ZBTB20: variants seen among roughly 807,000 people sequenced by gnomAD.
ZBTB20 encodes the protein zinc finger and BTB domain containing 20.
A neutral mutation model predicts 56.9 loss-of-function variants in ZBTB20; 9 were observed. The ratio of observed to expected loss-of-function variants is 0.16; its 90% CI spans 0.10 to 0.28. ZBTB20 has a LOEUF of 0.28. ZBTB20 is among the 10% of genes least tolerant of loss of function. ZBTB20 has a pLI of 1.00. For synonymous variants in ZBTB20, 417 were observed against 420.7 expected, an observed-to-expected ratio of 0.99 and a Z score of 0.11; for missense variants, 655 against 1,003.0, an observed-to-expected ratio of 0.65 and a Z score of 4.69.
chr3:114,903,350 A>G (rs1332757522), intron 3 of ZBTB20, among the ~76,000 whole-genome samples: 1 of 152,146 alleles, frequency 6.6e-6, no homozygotes, highest in Admixed American at 6.6e-5. Context: ...AGCATTTGAT[A>G]AAAGGGAACT....
chr3:114,341,337 A>C (rs956149411), intron 11 of ZBTB20, among the ~76,000 whole-genome samples: 1 of 152,044 alleles, frequency 6.6e-6, no homozygotes, highest in Admixed American at 6.6e-5. Flanking sequence ...CATTTCTGTC[A>C]GCTGTAAACA....
At chr3:115,079,790 C>CTTTA (rs1430019715) in intron 1 of ZBTB20, among the ~76,000 whole-genome samples, 1 of 152,144 alleles carries the variant, frequency 6.6e-6, no homozygotes, top group Non-Finnish European at 1.5e-5. Context: ...ATATGCTAAA[C>CTTTA]CTTCAATAAT....
chr3:114,709,396 A>T (rs1168861106), intron 5 of ZBTB20, among the ~76,000 whole-genome samples: 1 of 152,200 alleles, frequency 6.6e-6, no homozygotes, highest in East Asian at 1.9e-4. Context: ...AGGCCAAGGT[A>T]GTTCCAAGTT....
intron 1 of ZBTB20, among the ~76,000 whole-genome samples, chr3:115,130,254 G>A (rs1337974511): frequency 1.3e-5 from 2 of 151,648 alleles, no homozygotes; most frequent in Admixed American, 6.6e-5. Flanking sequence ...CTGTTACTTT[G>A]TTGAAATCAT....
At chr3:114,439,607 A>G (rs1335270858) in intron 7 of ZBTB20, among the ~76,000 whole-genome samples, 1 of 152,180 alleles carries the variant, frequency 6.6e-6, no homozygotes, top group Non-Finnish European at 1.5e-5. Context: ...CATCAAAAGA[A>G]TAACAGCAGT....
chr3:114,586,580 T>C (rs1462817645), intron 6 of ZBTB20, among the ~76,000 whole-genome samples: 3 of 152,324 alleles, frequency 2.0e-5, no homozygotes, highest in South Asian at 4.1e-4. Context: ...TGTGGGTAAC[T>C]ATAGGGTCAA....
rs182306157 is a variant in ZBTB20 at position 114,321,918 on chromosome 3, T to A, written c.*17087A>T. On this transcript the variant is annotated 3_prime_UTR_variant, in exon 12 of 12. Coordinates refer to ENST00000675478, the MANE Select transcript of ZBTB20 (RefSeq NM_001348800.3). ...GTACAGAAAAGCGTAACTGAATAAA[T>A]TATTAATCTAGTACTCACTACGACA... 2.0e-5 allele frequency: 3 copies of A among 152,338 alleles called. No individual in the cohort carries two copies. Among genetic ancestry groups the A allele is most frequent in the Admixed American group, 2.0e-4 (3 of 15,306 alleles). 9.4% of individuals were successfully genotyped at this position (152,338 alleles called of 1,614,324 possible). A position where few individuals can be genotyped will look rare whatever the true frequency, so the allele number is the denominator to read the frequency against.
Position 114,380,280 on chromosome 3 carries a change from G to T in ZBTB20, c.136C>A (p.Pro46Thr), listed in dbSNP as rs1314566227. The T allele has an allele frequency of 1.3e-6, 2 of 1,537,132 alleles. No individual in the cohort carries two copies. Among genetic ancestry groups the T allele is most frequent in the Non-Finnish European group, 1.7e-6 (2 of 1,146,854 alleles). ...GAATGTGTTGAGTGGATGAGGGCTG[G>T]GTCTGGAGACAAAACAGCTTCAAAG... ...LNFEAVLSPD[P>T]ALIHSTHSLT... The change falls in exon 10 of 12, where the codon CCA becomes ACA. Residue 46 changes from proline (P) to threonine (T), a missense_variant. Physicochemically the swap from Pro to Thr is conservative, Grantham distance 38. Transcript: ENST00000675478.
At chr3:114,625,388 G>A (rs2058600338) in intron 6 of ZBTB20, among the ~76,000 whole-genome samples, 1 of 152,132 alleles carries the variant, frequency 6.6e-6, no homozygotes, top group South Asian at 2.1e-4. Context: ...AAGAAATGGT[G>A]ACTTCCTATA....
intron 6 of ZBTB20, among the ~76,000 whole-genome samples, chr3:114,556,413 T>G (rs2051224805): frequency 6.6e-6 from 1 of 152,016 alleles, no homozygotes; most frequent in Non-Finnish European, 1.5e-5. Context: ...CTAAAACATA[T>G]CTATTCCTCA....
At chr3:114,406,559 C>T (rs2087343032) in intron 7 of ZBTB20, among the ~76,000 whole-genome samples, 1 of 152,050 alleles carries the variant, frequency 6.6e-6, no homozygotes, top group African/African-American at 2.4e-5. Flanking sequence ...TGAGCAACTG[C>T]GCCTTACTCG....
intron 1 of ZBTB20, among the ~76,000 whole-genome samples, chr3:115,086,923 G>C (rs1047861276): frequency 6.6e-6 from 1 of 151,778 alleles, no homozygotes; most frequent in Non-Finnish European, 1.5e-5. Flanking sequence ...ATATTCAACA[G>C]ATACCACATT....
intron 7 of ZBTB20, among the ~76,000 whole-genome samples, chr3:114,419,749 T>G (rs2088958945): frequency 6.6e-6 from 1 of 152,128 alleles, no homozygotes; most frequent in Non-Finnish European, 1.5e-5. Context: ...CCAAAACAAC[T>G]GACATACCAA....
At chr3:114,682,955 T>C (rs1260941756) in intron 6 of ZBTB20, among the ~76,000 whole-genome samples, 2 of 152,226 alleles carry the variant, frequency 1.3e-5, no homozygotes, top group Non-Finnish European at 2.9e-5. Context: ...ACTTTAGGTA[T>C]TTTCTGCGGG....
At chr3:115,034,205 A>C (rs934756680) in intron 2 of ZBTB20, among the ~76,000 whole-genome samples, 1 of 151,788 alleles carries the variant, frequency 6.6e-6, no homozygotes, top group African/African-American at 2.4e-5. Flanking sequence ...ACTATTCCAC[A>C]TAATACTGAA....
intron 3 of ZBTB20, among the ~76,000 whole-genome samples, chr3:114,917,387 G>A (rs547479507): frequency 5.3e-5 from 8 of 152,222 alleles, no homozygotes; most frequent in African/African-American, 1.7e-4. Flanking sequence ...TGCTTGATGA[G>A]GTCATGTCTT....
chr3:115,002,831 A>AT (rs1478448818), intron 2 of ZBTB20, among the ~76,000 whole-genome samples: 1 of 151,684 alleles, frequency 6.6e-6, no homozygotes, highest in African/African-American at 2.4e-5. Flanking sequence ...TTCATTGAAA[A>AT]TTATGTTCCA....
rs2079499957 is a variant in ZBTB20 at position 114,337,506 on chromosome 3, C to T, written c.*1499G>A. The T allele has an allele frequency of 6.6e-6, 1 of 152,044 alleles. No individual in the cohort carries two copies. Among genetic ancestry groups the T allele is most frequent in the Non-Finnish European group, 1.5e-5 (1 of 67,988 alleles). 9.4% of individuals were successfully genotyped at this position (152,044 alleles called of 1,614,324 possible). On this transcript the variant is annotated 3_prime_UTR_variant, in exon 12 of 12. Transcript: ENST00000675478. ...TCTTTCTGAAAGATAAAGTCTCTTC[C>T]ATGAAAAAGAACAGAATTCTAGATG...
At chr3:114,436,840 A>C (rs1327273103) in intron 7 of ZBTB20, among the ~76,000 whole-genome samples, 2 of 152,142 alleles carry the variant, frequency 1.3e-5, no homozygotes, top group African/African-American at 4.8e-5. Context: ...GCCAGACTTC[A>C]ACCCTTAAAA....
Sources: allele counts gnomAD v4.1 joint callset (sites outside exome capture counted in the v4.1 genomes callset), GRCh38; gene constraint gnomAD v4.1.1; transcripts MANE v1.5; gene names NCBI Gene and HGNC (gene_info 2026-07-23, HGNC 2026-07-21).